The following C16orf96 variants were observed in gnomAD, a reference collection of about 807,000 sequenced individuals.
C16orf96 encodes the protein uncharacterized protein C16orf96.
Under a neutral mutation model 103.6 loss-of-function variants are expected in C16orf96, and 108 were observed. The ratio of observed to expected loss-of-function variants is 1.04; its 90% CI spans 0.89 to 1.22. The LOEUF (loss-of-function observed/expected upper bound fraction) is 1.22. Ranked by LOEUF, C16orf96 falls within the 50% of genes most tolerant of loss-of-function variation. The pLI is 0.00. For missense variants in C16orf96, 1,586 were observed against 1,464.2 expected, an observed-to-expected ratio of 1.08 and a Z score of -1.36; for synonymous variants, 566 against 593.5, an observed-to-expected ratio of 0.95 and a Z score of 0.67.
At chr16:4,543,545 G>T in the C16orf96 span, among the ~76,000 whole-genome samples, 1 of 151,570 alleles carries the variant, frequency 6.6e-6, no homozygotes, top group African/African-American at 2.4e-5. Flanking sequence ...GGCTGGTCTT[G>T]AACTCCTAGG....
intron 7 of C16orf96, among the ~76,000 whole-genome samples, chr16:4,581,168 ATATATATATATATAT>A (rs2059583368): frequency 1.6e-5 from 2 of 122,050 alleles, no homozygotes; most frequent in Admixed American, 1.7e-4. Flanking sequence ...ATATATATAT[ATATATATATATATAT>A]AATTAGCCAG....
Position 4,556,541 on chromosome 16 carries a change from T to G in C16orf96, c.52T>G (p.Cys18Gly). ...TELANIAIPQ[C>G]GVLNFKALHL... Reference sequence around the variant, plus strand: ...GCTGGCCAACATCGCCATCCCACAGTGCGGGGTGCTGAACTTCAAGGCCCT... The same window carrying G: ...GCTGGCCAACATCGCCATCCCACAGGGCGGGGTGCTGAACTTCAAGGCCCT... Residue 18 changes from cysteine (C) to glycine (G), a missense_variant, in exon 1 of 16, where the codon TGC becomes GGC. Cys to Gly is a radical substitution (Grantham distance 159, BLOSUM62 -3). Coordinates refer to ENST00000444310, the MANE Select transcript of C16orf96 (RefSeq NM_001145011.2). The G allele has an allele frequency of 6.4e-7, 1 of 1,550,530 alleles. No homozygotes were observed.
At chr16:4,558,222 C>T (rs1024158126) in intron 1 of C16orf96, among the ~76,000 whole-genome samples, 4 of 152,348 alleles carry the variant, frequency 2.6e-5, no homozygotes, top group South Asian at 4.1e-4. Context: ...CGCGCTGAGG[C>T]GTGGCCTCTG....
At chr16:4,567,363 A>G (rs1338556026) in intron 1 of C16orf96, among the ~76,000 whole-genome samples, 1 of 145,270 alleles carries the variant, frequency 6.9e-6, no homozygotes, top group Non-Finnish European at 1.5e-5. Context: ...GGCTCACTGC[A>G]AGCTCAGACT....
chr16:4,579,800 C>G (rs1435679145), intron 6 of C16orf96, among the ~76,000 whole-genome samples: 2 of 152,002 alleles, frequency 1.3e-5, no homozygotes, highest in Non-Finnish European at 2.9e-5. Context: ...TTTGTAGAGA[C>G]TGGTTTCGCC....
Position 4,591,776 on chromosome 16 carries a change from C to A in C16orf96, c.2703C>A (p.Gly901=). The A allele has an allele frequency of 1.3e-6, 2 of 1,549,304 alleles. No individual in the cohort carries two copies. The highest frequency in any genetic ancestry group is 4.9e-5 in the East Asian group (2 of 40,708). ...GACTGGATCCTGACAGTGCTGCTGGCTTTAGGAGGTGAGTGCCCGCCCGAG... is the reference window on the plus strand; with the variant it reads ...GACTGGATCCTGACAGTGCTGCTGGATTTAGGAGGTGAGTGCCCGCCCGAG... ...GLRLDPDSAA[G]FRRKLFKRVK... The change falls in exon 10 of 16, where the codon GGC becomes GGA. Residue 901 remains glycine, a synonymous_variant. Coordinates refer to ENST00000444310, the MANE Select transcript of C16orf96 (RefSeq NM_001145011.2).
At chr16:4,553,933 C>A (rs978141582), upstream of C16orf96, among the ~76,000 whole-genome samples, 1 of 152,190 alleles carries the variant, frequency 6.6e-6, no homozygotes, top group Non-Finnish European at 1.5e-5. Flanking sequence ...TTTGCCTCCC[C>A]ACCTGCATGA....
At chr16:4,549,388 G>T in the C16orf96 span, among the ~76,000 whole-genome samples, 264 of 151,732 alleles carry the variant, frequency 1.7e-3, 4 homozygotes, top group African/African-American at 6.2e-3. Context: ...CAGGAGAATG[G>T]CGTGAACCTG....
In C16orf96 at chr16:4,574,655, CA is replaced by C. The variant is rs982268742; in HGVS notation, c.526-53del. 6 of 1,415,644 alleles carry C rather than the reference CA, an allele frequency of 4.2e-6. No individual in the cohort carries two copies. The East Asian group carries it at 1.2e-4, about 29-fold the overall frequency. 87.7% of individuals were successfully genotyped at this position (1,415,644 alleles called of 1,614,324 possible). ...AGTCACCTAGAGCCACGGGAAAAGG[CA>C]GGGGTGGGACAGAACCTGGACCCCC... On this transcript the variant is annotated intron_variant, in intron 2 of 15. Transcript: ENST00000444310.
At chr16:4,564,752 A>T (rs2059369529) in intron 1 of C16orf96, among the ~76,000 whole-genome samples, 1 of 152,238 alleles carries the variant, frequency 6.6e-6, no homozygotes, top group African/African-American at 2.4e-5. Context: ...TGGAGATTTC[A>T]GTGAACCGAG....
At chr16:4,553,402 G>C (rs1459271190), upstream of C16orf96, among the ~76,000 whole-genome samples, 2 of 152,086 alleles carry the variant, frequency 1.3e-5, no homozygotes, top group Non-Finnish European at 2.9e-5. Context: ...ATTTGAGATG[G>C]GGTCTCACTC....
chr16:4,582,141 G>A (rs1202925883), intron 7 of C16orf96, among the ~76,000 whole-genome samples: 1 of 152,028 alleles, frequency 6.6e-6, no homozygotes, highest in Non-Finnish European at 1.5e-5. Context: ...AATTAGCCGG[G>A]CATGGTGGCG....
At chr16:4,544,532 G>A in the C16orf96 span, among the ~76,000 whole-genome samples, 8 of 152,184 alleles carry the variant, frequency 5.3e-5, no homozygotes, top group Non-Finnish European at 8.8e-5. Context: ...GCTTAAGACC[G>A]GGAGGCTGGA....
In C16orf96 at chr16:4,575,474, A is replaced by C. The variant is rs1336368503; in HGVS notation, c.994A>C (p.Thr332Pro). 1 of 1,548,090 alleles carries C rather than the reference A, an allele frequency of 6.5e-7. No homozygotes were observed. The highest frequency in any genetic ancestry group is 2.0e-5 in the Admixed American group (1 of 50,986). ...ATTTGCACCTGGGCCTGCACCTGGG[A>C]CTGAACCTGTGCCAGGACTGGAGCT... ...TEFAPGPAPG[T>P]EPVPGLELGL... is the part of the protein sequence containing the mutation. Residue 332 changes from threonine to proline, a missense_variant, in exon 5 of 16, where the codon ACT becomes CCT. Physicochemically the swap from Thr to Pro is conservative, Grantham distance 38 (BLOSUM62 -1). Transcript: ENST00000444310.
Position 4,599,427 on chromosome 16 carries a change from C to T in C16orf96, c.3208+63C>T, listed in dbSNP as rs531535047. On this transcript the variant is annotated intron_variant, in intron 15 of 15. Transcript: ENST00000444310. ...TCTGGAAGGGTCTCCAGTCCCTCCT[C>T]GTCTCATCCCATCCCCCACACCCCG... 1.5e-4 allele frequency: 209 copies of T among 1,389,194 alleles called. 1 individual carries two copies. In the South Asian group the frequency reaches 2.3e-3, roughly 15 times the overall value. 86.1% of individuals were successfully genotyped at this position (1,389,194 alleles called of 1,614,324 possible). A position where few individuals can be genotyped will look rare whatever the true frequency, so the allele number is the denominator to read the frequency against.
chr16:4,545,619 G>A, the C16orf96 span, among the ~76,000 whole-genome samples: 5 of 152,122 alleles, frequency 3.3e-5, no homozygotes, highest in African/African-American at 1.2e-4. Context: ...CCTTCAGCAA[G>A]ACTCTTGTTA....
At chr16:4,540,889 A>G in the C16orf96 span, among the ~76,000 whole-genome samples, 35 of 151,176 alleles carry the variant, frequency 2.3e-4, no homozygotes, top group Middle Eastern at 0.01. Flanking sequence ...GATTACAGGC[A>G]TAAGCCACCA....
intron 1 of C16orf96, among the ~76,000 whole-genome samples, chr16:4,557,445 G>C (rs188043233): frequency 6.6e-6 from 1 of 152,158 alleles, no homozygotes; most frequent in Non-Finnish European, 1.5e-5. Context: ...CCATTTATAC[G>C]AAATGTCCAG....
Position 4,580,085 on chromosome 16 carries a change from A to C in C16orf96, c.2312A>C (p.Lys771Thr). Residue 771 changes from lysine to threonine, a missense_variant, in exon 7 of 16, where the codon AAG becomes ACG. Lys to Thr is a moderately conservative substitution (Grantham distance 78). Transcript: ENST00000444310. ...MMKDRYITLD[K>T]AVENLQIRMD... The stretch of plus-strand genomic sequence containing the variant: ...AAGGATCGCTACATCACTTTGGACA[A>C]GGCGGTGGAGAACCTGCAGATTCGC... 8 of 1,545,602 alleles carry C rather than the reference A, an allele frequency of 5.2e-6. No individual in the cohort carries two copies. Among genetic ancestry groups the C allele is most frequent in the Non-Finnish European group, 7.0e-6 (8 of 1,144,062 alleles).
Sources: gnomAD v4.1 joint callset for allele counts (sites outside exome capture counted in the v4.1 genomes callset) on GRCh38, gnomAD v4.1.1 for gene constraint, MANE v1.5 for transcripts, NCBI Gene and HGNC (gene_info 2026-07-23, HGNC 2026-07-21) for gene names.